The following WDR7 variants were observed in gnomAD, a reference collection of about 807,000 sequenced individuals.
The protein encoded by WDR7 is WD repeat domain 7, also known as WD repeat-containing protein 7.
A neutral mutation model predicts 169.4 loss-of-function variants in WDR7; 46 were observed. The observed-to-expected ratio is 0.27, with a 90% CI of 0.21 to 0.35. WDR7 has a LOEUF of 0.35. WDR7 is among the 10% of genes least tolerant of loss of function. The probability of loss-of-function intolerance (pLI) is 1.00; values close to 1 mark genes in which losing one functional copy is unlikely to be tolerated. For synonymous variants in WDR7, 612 were observed against 666.8 expected (o/e 0.92, Z 1.27); for missense variants, 1,534 against 1,859.3 (o/e 0.83, Z 3.22).
intron 21 of WDR7, among the ~76,000 whole-genome samples, chr18:56,899,956 A>G (rs1158775503): frequency 1.3e-5 from 2 of 151,780 alleles, no homozygotes; most frequent in Admixed American, 1.3e-4. Flanking sequence ...CTAGGTGATG[A>G]CTGTCTGATT....
At chr18:56,952,184 C>T (rs183132578) in intron 25 of WDR7, among the ~76,000 whole-genome samples, 20 of 152,314 alleles carry the variant, frequency 1.3e-4, no homozygotes, top group Non-Finnish European at 2.9e-5. Flanking sequence ...CTGCTCTCAG[C>T]TGTCCCTGTG....
intron 1 of WDR7, among the ~76,000 whole-genome samples, chr18:56,664,197 T>A (rs556445012): frequency 6.6e-6 from 1 of 152,338 alleles, no homozygotes; most frequent in South Asian, 2.1e-4. Flanking sequence ...AGTGTCATTT[T>A]AGGATTGTTG....
chr18:56,692,499 C>G (rs1254158709), intron 9 of WDR7, among the ~76,000 whole-genome samples: 1 of 142,142 alleles, frequency 7.0e-6, no homozygotes, highest in Non-Finnish European at 1.5e-5. Context: ...CTGAACATTA[C>G]GTCTCACGTT....
chr18:56,729,807 A>T (rs903084808), intron 13 of WDR7, among the ~76,000 whole-genome samples: 1 of 152,154 alleles, frequency 6.6e-6, no homozygotes, highest in Non-Finnish European at 1.5e-5. Flanking sequence ...AGAATTTGTT[A>T]AAAAAATTAC....
At chr18:56,907,836 G>T (rs536227716) in intron 21 of WDR7, among the ~76,000 whole-genome samples, 10 of 152,122 alleles carry the variant, frequency 6.6e-5, no homozygotes, top group African/African-American at 2.4e-4. Flanking sequence ...TCTCATTAGT[G>T]CCCAGGACCC....
chr18:56,870,790 A>G (rs1386035635), intron 20 of WDR7, among the ~76,000 whole-genome samples: 1 of 152,154 alleles, frequency 6.6e-6, no homozygotes, highest in Non-Finnish European at 1.5e-5. Flanking sequence ...CCCAGCCTCA[A>G]TTTGGATAGT....
chr18:56,708,048 T>TTC (rs2026000390), intron 12 of WDR7, among the ~76,000 whole-genome samples: 1 of 150,638 alleles, frequency 6.6e-6, no homozygotes, highest in African/African-American at 2.4e-5. Flanking sequence ...TTTTTTTTTT[T>TTC]TCTGAGACAG....
intron 19 of WDR7, among the ~76,000 whole-genome samples, chr18:56,786,703 A>T (rs1286165255): frequency 6.6e-6 from 1 of 151,984 alleles, no homozygotes; most frequent in Non-Finnish European, 1.5e-5. Flanking sequence ...TGATAGATAA[A>T]TTGAGGATAA....
At chr18:56,789,250 C>T (rs535798425) in intron 19 of WDR7, among the ~76,000 whole-genome samples, 1 of 152,126 alleles carries the variant, frequency 6.6e-6, no homozygotes, top group South Asian at 2.1e-4. Flanking sequence ...TTTCTTTTAT[C>T]TTTTTAATAA....
At chr18:57,025,544 A>G (rs905981386) in intron 27 of WDR7, among the ~76,000 whole-genome samples, 2 of 152,254 alleles carry the variant, frequency 1.3e-5, no homozygotes, top group Non-Finnish European at 2.9e-5. Flanking sequence ...TTTAACAGAA[A>G]GAGTTAACAA....
At chr18:56,790,411 G>GT (rs1375716243) in intron 19 of WDR7, among the ~76,000 whole-genome samples, 4 of 152,002 alleles carry the variant, frequency 2.6e-5, no homozygotes, top group East Asian at 1.9e-4. Flanking sequence ...TATTTGCCTT[G>GT]TTTTTTTGTT....
At chr18:56,885,014 T>C (rs1453847869) in intron 21 of WDR7, among the ~76,000 whole-genome samples, 1 of 152,192 alleles carries the variant, frequency 6.6e-6, no homozygotes, top group African/African-American at 2.4e-5. Flanking sequence ...GTAGCTCTGC[T>C]GGCTGTCTAG....
chr18:56,876,537 T>C (rs764744730), intron 20 of WDR7, among the ~76,000 whole-genome samples: 1 of 152,220 alleles, frequency 6.6e-6, no homozygotes, highest in Non-Finnish European at 1.5e-5. Flanking sequence ...TTTTGGCTCC[T>C]ATGAGCTAAA....
chr18:56,950,043 CTG>C (rs1385771818), intron 25 of WDR7, among the ~76,000 whole-genome samples: 2 of 152,168 alleles, frequency 1.3e-5, no homozygotes, highest in East Asian at 1.9e-4. Context: ...TCCCAAATAA[CTG>C]TAGTTTTTCT....
chr18:56,731,714 T>A, intron 14 of WDR7, 117 bp downstream of exon 14: 1 of 946,174 alleles, frequency 1.1e-6, no homozygotes, highest in Non-Finnish European at 1.5e-6. Context: ...AAAAATAAAC[T>A]TTTGATTTTC....
intron 19 of WDR7, among the ~76,000 whole-genome samples, chr18:56,809,478 TATGTC>T (rs1382133703): frequency 1.3e-5 from 2 of 152,114 alleles, no homozygotes; most frequent in Non-Finnish European, 2.9e-5. Flanking sequence ...TAAGCTCACT[TATGTC>T]AAGTACAAAA....
At chr18:56,906,374 GA>G (rs754139227) in intron 21 of WDR7, among the ~76,000 whole-genome samples, 50 of 152,044 alleles carry the variant, frequency 3.3e-4, no homozygotes, top group Non-Finnish European at 5.6e-4. Flanking sequence ...GTAAATAAGT[GA>G]AGGAAAGAAA....
intron 20 of WDR7, among the ~76,000 whole-genome samples, chr18:56,859,344 C>T (rs1223129694): frequency 6.6e-6 from 1 of 152,136 alleles, no homozygotes; most frequent in Non-Finnish European, 1.5e-5. Flanking sequence ...TAGGTAAAAG[C>T]ATTGGCTTTA....
At chr18:56,840,637 A>G (rs1033307418) in intron 20 of WDR7, among the ~76,000 whole-genome samples, 11 of 152,064 alleles carry the variant, frequency 7.2e-5, no homozygotes, top group Non-Finnish European at 1.3e-4. Flanking sequence ...CCTGGGCAAC[A>G]TGGCAAAACC....
Sources: gnomAD v4.1 joint callset for allele counts (sites outside exome capture counted in the v4.1 genomes callset) on GRCh38, gnomAD v4.1.1 for gene constraint, MANE v1.5 for transcripts, NCBI Gene and HGNC (gene_info 2026-07-23, HGNC 2026-07-21) for gene names.